CD96: variants seen among roughly 807,000 people sequenced by gnomAD.
CD96 encodes T-cell surface protein tactile.
CD96 carries 70 observed loss-of-function variants against 71.3 expected under a neutral mutation model. The ratio of observed to expected loss-of-function variants is 0.98; its 90% CI spans 0.81 to 1.20. The LOEUF (loss-of-function observed/expected upper bound fraction) is 1.20. CD96 is among the 50% of genes most tolerant of loss of function. The probability of loss-of-function intolerance (pLI) is 0.00; values close to 1 mark genes in which losing one functional copy is unlikely to be tolerated. For missense variants in CD96, 742 were observed against 677.5 expected (o/e 1.10, Z -1.06); for synonymous variants, 248 against 233.0 (o/e 1.06, Z -0.59).
intron 13 of CD96, among the ~76,000 whole-genome samples, chr3:111,648,140 G>T (rs1403548452): frequency 6.6e-6 from 1 of 151,898 alleles, no homozygotes; most frequent in Non-Finnish European, 1.5e-5. Context: ...TTTTTCCCAA[G>T]CAGAAAAGAA....
chr3:111,548,407 T>C (rs946916841), intron 2 of CD96, among the ~76,000 whole-genome samples: 1 of 152,150 alleles, frequency 6.6e-6, no homozygotes, highest in Non-Finnish European at 1.5e-5. Context: ...AGTGGAAATA[T>C]AATAAACAGT....
At chr3:111,648,662 A>G (rs1279979826) in intron 13 of CD96, among the ~76,000 whole-genome samples, 4 of 152,232 alleles carry the variant, frequency 2.6e-5, no homozygotes, top group Non-Finnish European at 4.4e-5. Context: ...ATGAAATCTG[A>G]AAATCTGAAC....
At chr3:111,596,729 A>T (rs935307294) in intron 5 of CD96, among the ~76,000 whole-genome samples, 4 of 152,196 alleles carry the variant, frequency 2.6e-5, no homozygotes, top group African/African-American at 9.7e-5. Flanking sequence ...AATTAAACTG[A>T]ACACTCTCCT....
chr3:111,549,352 T>C (rs1404150089), intron 2 of CD96, among the ~76,000 whole-genome samples: 1 of 152,148 alleles, frequency 6.6e-6, no homozygotes, highest in Non-Finnish European at 1.5e-5. Flanking sequence ...GGATTACAGG[T>C]GAGGCAGTTG....
intron 14 of CD96, among the ~76,000 whole-genome samples, chr3:111,658,906 A>G (rs1216087084): frequency 1.3e-5 from 2 of 152,214 alleles, no homozygotes; most frequent in Non-Finnish European, 2.9e-5. Context: ...GCTTCAGAGA[A>G]TGAGTTAGGG....
At chr3:111,555,902 G>T (rs1028776510) in intron 2 of CD96, among the ~76,000 whole-genome samples, 5 of 152,266 alleles carry the variant, frequency 3.3e-5, no homozygotes, top group Non-Finnish European at 7.3e-5. Flanking sequence ...TTTCATGTAT[G>T]TTACCATACT....
intron 2 of CD96, among the ~76,000 whole-genome samples, chr3:111,556,305 T>C (rs1354129924): frequency 6.8e-6 from 1 of 148,070 alleles, no homozygotes; most frequent in African/African-American, 2.5e-5. Flanking sequence ...CCGCACCCAC[T>C]AACTCGTCAT....
At position 111,571,183 on chromosome 3, in the gene CD96, AAG is replaced by A. The variant is rs1559727390; in HGVS notation, c.543+3539_543+3540del. 8 of 545,814 alleles carry A rather than the reference AAG, an allele frequency of 1.5e-5. No homozygotes were observed. In the Admixed American group the frequency reaches 2.5e-4, roughly 17 times the overall value. 33.8% of individuals were successfully genotyped at this position (545,814 alleles called of 1,614,324 possible). A position where few individuals can be genotyped will look rare whatever the true frequency, so the allele number is the denominator to read the frequency against. On this transcript the variant is annotated intron_variant, in intron 3 of 13. Coordinates refer to ENST00000352690, the MANE Select transcript of CD96 (RefSeq NM_005816.5). ...CCTGCCCCCTTTTCTTGCCTGGAGT[AAG>A]AGTTTTTTTGTTTTGTTTTGGTTTT...
downstream of CD96, among the ~76,000 whole-genome samples, chr3:111,657,017 GA>G (rs999815713): frequency 1.3e-5 from 2 of 150,232 alleles, no homozygotes; most frequent in Non-Finnish European, 3.0e-5. Flanking sequence ...ATAAGAACAG[GA>G]AAAAAAACTA....
chr3:111,606,058 A>G (rs1391767326), intron 7 of CD96, among the ~76,000 whole-genome samples: 2 of 152,204 alleles, frequency 1.3e-5, no homozygotes, highest in Non-Finnish European at 1.5e-5. Context: ...AGGAATTGAC[A>G]TAAATGTAAA....
At chr3:111,607,840 T>A (rs1472682374) in intron 8 of CD96, among the ~76,000 whole-genome samples, 1 of 152,246 alleles carries the variant, frequency 6.6e-6, no homozygotes, top group East Asian at 1.9e-4. Flanking sequence ...TTTCTTCTTT[T>A]TTTGAAGCCT....
intron 10 of CD96, 131 bp downstream of exon 10, chr3:111,624,535 A>G (rs1218972781): frequency 1.6e-5 from 11 of 700,690 alleles, no homozygotes; most frequent in Middle Eastern, 2.6e-4. Flanking sequence ...TATCATGTTT[A>G]AAGTATTGTT....
At chr3:111,603,337 C>T (rs1030524792) in intron 7 of CD96, among the ~76,000 whole-genome samples, 1 of 151,764 alleles carries the variant, frequency 6.6e-6, no homozygotes, top group African/African-American at 2.4e-5. Flanking sequence ...CCTGTTACCT[C>T]GGGAGGCTGA....
intron 1 of CD96, among the ~76,000 whole-genome samples, chr3:111,543,768 C>G (rs1934235754): frequency 6.6e-6 from 1 of 152,130 alleles, no homozygotes; most frequent in Non-Finnish European, 1.5e-5. Flanking sequence ...TTCTGTAACT[C>G]CTGTTTTACC....
chr3:111,548,583 A>C (rs1281384187), intron 2 of CD96, among the ~76,000 whole-genome samples: 1 of 152,146 alleles, frequency 6.6e-6, no homozygotes, highest in Non-Finnish European at 1.5e-5. Context: ...TCAGATTGTA[A>C]GATTTTGGTG....
chr3:111,657,772 A>G (rs1940268326), intron 14 of CD96, among the ~76,000 whole-genome samples: 1 of 151,654 alleles, frequency 6.6e-6, no homozygotes, highest in African/African-American at 2.4e-5. Context: ...GATTTCCACA[A>G]TATGTGTGTG....
intron 2 of CD96, among the ~76,000 whole-genome samples, chr3:111,547,997 C>T (rs1934501259): frequency 6.6e-6 from 1 of 152,144 alleles, no homozygotes; most frequent in African/African-American, 2.4e-5. Context: ...TATTTTCTTT[C>T]TACCCTTTAC....
chr3:111,637,792 CT>C (rs1283745909), intron 11 of CD96, among the ~76,000 whole-genome samples: 4 of 43,418 alleles, frequency 9.2e-5, no homozygotes, highest in African/African-American at 2.0e-4. Context: ...AAGTATGGAG[CT>C]TCTTTTTTTT....
chr3:111,550,608 T>G (rs1695611105), intron 2 of CD96, among the ~76,000 whole-genome samples: 1 of 151,828 alleles, frequency 6.6e-6, no homozygotes, highest in African/African-American at 2.4e-5. Context: ...AAAGAACAGT[T>G]TTTTTTTATT....
Sources: allele counts gnomAD v4.1 joint callset (sites outside exome capture counted in the v4.1 genomes callset), GRCh38; gene constraint gnomAD v4.1.1; transcripts MANE v1.5; gene names NCBI Gene and HGNC (gene_info 2026-07-23, HGNC 2026-07-21).